Variants in HCN1 observed in about 807,000 individuals in gnomAD.
HCN1 encodes hyperpolarization activated cyclic nucleotide gated potassium channel 1.
Under a neutral mutation model 78.9 loss-of-function variants are expected in HCN1, and 13 were observed. That is an observed-to-expected ratio of 0.16 (90% CI 0.11 to 0.26). The LOEUF (loss-of-function observed/expected upper bound fraction) is 0.26. HCN1 is among the 10% of genes least tolerant of loss of function. The probability of loss-of-function intolerance (pLI) is 1.00; values close to 1 mark genes in which losing one functional copy is unlikely to be tolerated. For synonymous variants in HCN1, 552 were observed against 455.5 expected (o/e 1.21, Z -2.70); for missense variants, 810 against 1,154.3 (o/e 0.70, Z 4.32).
At chr5:45,436,462 G>A (rs977845313) in intron 3 of HCN1, among the ~76,000 whole-genome samples, 2 of 151,924 alleles carry the variant, frequency 1.3e-5, no homozygotes. Context: ...TTTTAATATA[G>A]GTCACTGTAC....
At chr5:45,277,020 G>C (rs1019570373) in intron 6 of HCN1, among the ~76,000 whole-genome samples, 1 of 152,026 alleles carries the variant, frequency 6.6e-6, no homozygotes, top group African/African-American at 2.4e-5. Context: ...ATTAGGCATA[G>C]AGAATATTTC....
chr5:45,340,972 T>TA (rs1426436401), intron 5 of HCN1, among the ~76,000 whole-genome samples: 3 of 152,212 alleles, frequency 2.0e-5, no homozygotes, highest in Non-Finnish European at 2.9e-5. Context: ...AAAGTTTTAG[T>TA]AAAAAATCCT....
At chr5:45,399,388 C>A (rs1739750358) in intron 3 of HCN1, among the ~76,000 whole-genome samples, 1 of 152,198 alleles carries the variant, frequency 6.6e-6, no homozygotes, top group Non-Finnish European at 1.5e-5. Context: ...TAGTGGACTT[C>A]ACTTACAAAA....
At chr5:45,279,570 G>A (rs928861887) in intron 6 of HCN1, among the ~76,000 whole-genome samples, 2 of 152,044 alleles carry the variant, frequency 1.3e-5, no homozygotes, top group African/African-American at 4.8e-5. Flanking sequence ...TATATTACTA[G>A]AATACTAGTA....
intron 2 of HCN1, among the ~76,000 whole-genome samples, chr5:45,556,696 T>C (rs1205235108): frequency 3.9e-5 from 6 of 151,934 alleles, no homozygotes; most frequent in Non-Finnish European, 2.9e-5. Flanking sequence ...TCTTACTGCT[T>C]TCAAAGGTTC....
intron 2 of HCN1, among the ~76,000 whole-genome samples, chr5:45,567,596 C>G (rs1321141519): frequency 1.3e-5 from 2 of 148,618 alleles, no homozygotes; most frequent in African/African-American, 5.0e-5. Flanking sequence ...CACACACACA[C>G]ACACACACAG....
intron 2 of HCN1, among the ~76,000 whole-genome samples, chr5:45,481,139 T>C (rs1022783973): frequency 1.3e-5 from 2 of 152,146 alleles, no homozygotes; most frequent in African/African-American, 2.4e-5. Context: ...AGAGATTCTG[T>C]AAATAGGAAA....
At chr5:45,602,419 A>G (rs1744644557) in intron 2 of HCN1, among the ~76,000 whole-genome samples, 1 of 152,140 alleles carries the variant, frequency 6.6e-6, no homozygotes, top group Non-Finnish European at 1.5e-5. Context: ...GAAGGCTTCC[A>G]TAAGCCAAGG....
intron 2 of HCN1, among the ~76,000 whole-genome samples, chr5:45,504,446 T>C (rs1287097952): frequency 6.6e-6 from 1 of 152,210 alleles, no homozygotes; most frequent in Non-Finnish European, 1.5e-5. Flanking sequence ...TTTTTTTGGC[T>C]GCATAGTATT....
chr5:45,443,470 G>C (rs1214302766), intron 3 of HCN1, among the ~76,000 whole-genome samples: 5 of 151,920 alleles, frequency 3.3e-5, no homozygotes, highest in Non-Finnish European at 5.9e-5. Context: ...TCTCCAACAG[G>C]TTTTCCTAAG....
At chr5:45,278,395 A>G (rs1473522544) in intron 6 of HCN1, among the ~76,000 whole-genome samples, 2 of 152,110 alleles carry the variant, frequency 1.3e-5, no homozygotes, top group African/African-American at 4.8e-5. Context: ...GTGCAAGATA[A>G]CAGAAAAAAT....
intron 3 of HCN1, among the ~76,000 whole-genome samples, chr5:45,416,522 T>C (rs1056964818): frequency 7.2e-5 from 11 of 151,998 alleles, no homozygotes; most frequent in African/African-American, 2.4e-4. Flanking sequence ...AGCACTGACA[T>C]TGAAAGTAAA....
In HCN1 at chr5:45,634,658, G is replaced by T. The variant is rs141383236; in HGVS notation, c.849+10527C>A. 3.2e-4 allele frequency among the ~76,000 whole-genome samples: 48 copies of T among 152,054 alleles called. 1 individual carries two copies. In the East Asian group the frequency reaches 7.1e-3, roughly 23 times the overall value. ...CCTTGGTAATCACTGTTATTACAAA[G>T]TTGTCTCGCTTCTACAACAAATATG... On this transcript the variant is annotated intron_variant, in intron 2 of 7. Coordinates refer to ENST00000303230, the MANE Select transcript of HCN1 (RefSeq NM_021072.4).
intron 2 of HCN1, among the ~76,000 whole-genome samples, chr5:45,613,873 T>C (rs1744891731): frequency 1.3e-5 from 2 of 152,186 alleles, no homozygotes; most frequent in Admixed American, 6.5e-5. Flanking sequence ...GTGGTAGAAA[T>C]AGTCTCAATT....
chr5:45,318,188 G>A (rs867947646), intron 5 of HCN1, among the ~76,000 whole-genome samples: 15 of 152,256 alleles, frequency 9.9e-5, no homozygotes, highest in Middle Eastern at 6.8e-3. Context: ...ATGATAGACT[G>A]GATTAAGAAA....
At chr5:45,584,789 A>G (rs1425863516) in intron 2 of HCN1, among the ~76,000 whole-genome samples, 2 of 152,086 alleles carry the variant, frequency 1.3e-5, no homozygotes, top group Non-Finnish European at 2.9e-5. Flanking sequence ...TCACTTATGA[A>G]GCTTAGTTTG....
intron 1 of HCN1, among the ~76,000 whole-genome samples, chr5:45,676,696 G>C (rs1226519118): frequency 6.6e-6 from 1 of 151,766 alleles, no homozygotes; most frequent in East Asian, 1.9e-4. Flanking sequence ...TTATAAATAA[G>C]TTCTAAGAGA....
At chr5:45,367,256 T>C (rs1747256040) in intron 4 of HCN1, among the ~76,000 whole-genome samples, 1 of 151,840 alleles carries the variant, frequency 6.6e-6, no homozygotes, top group South Asian at 2.1e-4. Context: ...CACATATATG[T>C]ATGTATTTTG....
At chr5:45,287,900 T>A (rs746086600) in intron 6 of HCN1, among the ~76,000 whole-genome samples, 1 of 152,124 alleles carries the variant, frequency 6.6e-6, no homozygotes, top group South Asian at 2.1e-4. Context: ...CTTTCGCTTA[T>A]GCTAATGCCT....
Sources: allele counts gnomAD v4.1 joint callset (sites outside exome capture counted in the v4.1 genomes callset), GRCh38; gene constraint gnomAD v4.1.1; transcripts MANE v1.5; gene names NCBI Gene and HGNC (gene_info 2026-07-23, HGNC 2026-07-21).